The following TACC2 variants were observed in gnomAD, a reference collection of about 807,000 sequenced individuals.
TACC2 encodes the protein transforming acidic coiled-coil-containing protein 2.
A neutral mutation model predicts 227.3 loss-of-function variants in TACC2; 137 were observed. That is an observed-to-expected ratio of 0.60 (90% CI 0.52 to 0.69). TACC2 has a LOEUF of 0.69. TACC2 is among the 30% of genes least tolerant of loss of function. The probability of loss-of-function intolerance (pLI) is 0.00; values close to 1 mark genes in which losing one functional copy is unlikely to be tolerated. For synonymous variants in TACC2, 1,523 were observed against 1,487.5 expected (o/e 1.02, Z -0.55); for missense variants, 3,470 against 3,694.4 (o/e 0.94, Z 1.57).
chr10:122,089,323 A>C (rs2080460959), intron 5 of TACC2, among the ~76,000 whole-genome samples: 2 of 152,040 alleles, frequency 1.3e-5, no homozygotes, highest in African/African-American at 2.4e-5. Context: ...GCACCCATTC[A>C]TCTAGTTCAT....
rs568223392 is a variant in TACC2, at chr10:122,201,722, A to G, written c.5971+6546A>G. 2.6e-5 allele frequency among the ~76,000 whole-genome samples: 4 copies of G among 152,370 alleles called. No individual in the cohort carries two copies. In the South Asian group the frequency reaches 8.3e-4, roughly 32 times the overall value. On this transcript the variant is annotated intron_variant, in intron 8 of 22. Transcript: ENST00000369005. ...CTCACAGACCCCAGGCTGGTGGCTC[A>G]GCCCATTATCCTCCCGGGAAGACAG...
Position 122,085,098 on chromosome 10 carries a change from G to A in TACC2, c.2598G>A (p.Lys866=), listed in dbSNP as rs1286029248. 2 of 1,614,076 alleles carry A rather than the reference G, an allele frequency of 1.2e-6. No individual in the cohort carries two copies. The highest frequency in any genetic ancestry group is 1.3e-5 in the African/African-American group (1 of 74,940). Residue 866 remains lysine (K), a synonymous_variant, in exon 4 of 23, where the codon AAG becomes AAA. Transcript: ENST00000369005. ...CTTCTCCAAGCCATCCAGGTTTTAA[G>A]GACCAGGGAGCAGATTCTTCCCAAA... is the stretch of plus-strand genomic sequence containing the variant. ...KETSPSHPGF[K]DQGADSSQIH... is the part of the protein sequence containing the mutation.
chr10:122,118,266 C>T (rs2085095210), intron 5 of TACC2, among the ~76,000 whole-genome samples: 1 of 152,148 alleles, frequency 6.6e-6, no homozygotes, highest in Non-Finnish European at 1.5e-5. Flanking sequence ...CCGGCCGCCT[C>T]GGCCTCCCAA....
At chr10:122,163,952 G>T in intron 7 of TACC2, 2 of 1,587,766 alleles carry the variant, frequency 1.3e-6, no homozygotes, top group Admixed American at 3.5e-5. Flanking sequence ...CCTGCAGCCA[G>T]CCCCAGCCAG....
In TACC2 at chr10:122,091,541, C is replaced by T. The variant is rs2080818686; in HGVS notation, c.5573+2950C>T. Among the ~76,000 whole-genome samples the T allele has an allele frequency of 1.3e-5, 2 of 152,106 alleles. 1 individual carries two copies. Among genetic ancestry groups the T allele is most frequent in the South Asian group, 4.1e-4 (2 of 4,824 alleles). On this transcript the variant is annotated intron_variant, in intron 5 of 22. Transcript: ENST00000369005. ...GTTGGCCTTCCCTGTGCTTTAGGCT[C>T]TTGGGGAAAAGGCTTCCTAACATTG...
At chr10:122,187,387 C>T (rs1393812439) in intron 7 of TACC2, among the ~76,000 whole-genome samples, 1 of 152,230 alleles carries the variant, frequency 6.6e-6, no homozygotes, top group Non-Finnish European at 1.5e-5. Context: ...TTGTTCCTGG[C>T]CTCCAGGGTC....
chr10:122,165,233 G>A (rs996247389), intron 7 of TACC2, among the ~76,000 whole-genome samples: 3 of 152,158 alleles, frequency 2.0e-5, no homozygotes, highest in African/African-American at 7.2e-5. Flanking sequence ...AGTGTTGCTA[G>A]GTGCATGGAA....
intron 1 of TACC2, among the ~76,000 whole-genome samples, chr10:121,998,633 T>G (rs139962979): frequency 6.6e-6 from 1 of 152,234 alleles, no homozygotes; most frequent in African/African-American, 2.4e-5. Context: ...CTACTCTGAA[T>G]TTGTGACCTA....
chr10:122,059,208 A>G (rs3862116), intron 3 of TACC2, among the ~76,000 whole-genome samples: 86,035 of 151,266 alleles, frequency 0.57, 25,455 homozygotes, highest in Non-Finnish European at 0.65. Flanking sequence ...GAGCCACCAC[A>G]CCCGGGCTCC....
chr10:122,040,779 G>C (rs997110500), intron 2 of TACC2, among the ~76,000 whole-genome samples: 1 of 152,184 alleles, frequency 6.6e-6, no homozygotes, highest in Non-Finnish European at 1.5e-5. Context: ...TCTAGAAACT[G>C]TGATCAATGC....
At chr10:122,191,235 G>T (rs1266552227) in intron 7 of TACC2, among the ~76,000 whole-genome samples, 1 of 152,124 alleles carries the variant, frequency 6.6e-6, no homozygotes, top group Non-Finnish European at 1.5e-5. Context: ...TCCTGAGTCT[G>T]CCTCCACGTA....
chr10:122,182,818 G>T (rs2094015434), intron 7 of TACC2, among the ~76,000 whole-genome samples: 1 of 152,156 alleles, frequency 6.6e-6, no homozygotes, highest in South Asian at 2.1e-4. Context: ...TATACAAGAG[G>T]CGGAGACTCA....
intron 7 of TACC2, among the ~76,000 whole-genome samples, chr10:122,162,834 G>T (rs1186699974): frequency 6.6e-6 from 1 of 152,134 alleles, no homozygotes; most frequent in African/African-American, 2.4e-5. Flanking sequence ...TGCATGTCAC[G>T]GAGAACTGCC....
intron 7 of TACC2, among the ~76,000 whole-genome samples, chr10:122,149,613 C>G (rs1283590956): frequency 6.6e-6 from 1 of 151,902 alleles, no homozygotes; most frequent in South Asian, 2.1e-4. Flanking sequence ...CCTCCCCATT[C>G]CCTCCACCCG....
intron 5 of TACC2, among the ~76,000 whole-genome samples, chr10:122,091,504 G>T (rs2080814023): frequency 6.6e-6 from 1 of 152,126 alleles, no homozygotes; most frequent in Non-Finnish European, 1.5e-5. Flanking sequence ...GAAGGAAATG[G>T]GGTCATAAAG....
rs2079804605 is a variant in TACC2 at position 122,083,822 on chromosome 10, C to T, written c.1322C>T (p.Ser441Phe). The T allele has an allele frequency of 6.2e-7, 1 of 1,614,176 alleles. No homozygotes were observed. The highest frequency in any genetic ancestry group is 2.2e-5 in the East Asian group (1 of 44,882). The change falls in exon 4 of 23, where the codon TCC becomes TTC. Residue 441 changes from serine to phenylalanine, a missense_variant. By Grantham distance (155) the Ser-to-Phe change is radical (BLOSUM62 -2). Coordinates refer to ENST00000369005, the MANE Select transcript of TACC2 (RefSeq NM_206862.4). ...GCTGTAGAAGAACCTGGATCATCAT[C>T]CAGGGAATCAGTTTCCAAGGCTGGG... is the stretch of plus-strand genomic sequence containing the variant. ...PIAVEEPGSS[S>F]RESVSKAGMP...
intron 5 of TACC2, among the ~76,000 whole-genome samples, chr10:122,122,094 G>A (rs1168646919): frequency 3.9e-5 from 6 of 152,172 alleles, no homozygotes; most frequent in Admixed American, 1.3e-4. Context: ...GGTGGCTCAC[G>A]CCTGTAATCC....
chr10:122,102,373 T>C (rs1319131956), intron 5 of TACC2, among the ~76,000 whole-genome samples: 1 of 152,190 alleles, frequency 6.6e-6, no homozygotes, highest in African/African-American at 2.4e-5. Context: ...AGATGCTTCT[T>C]TGTTGCAGCA....
chr10:122,075,310 A>C (rs1430471458), intron 3 of TACC2, among the ~76,000 whole-genome samples: 2 of 151,916 alleles, frequency 1.3e-5, no homozygotes, highest in African/African-American at 4.8e-5. Flanking sequence ...ACCAAGTCCC[A>C]AGCTGCATCA....
Sources: gnomAD v4.1 joint callset for allele counts (sites outside exome capture counted in the v4.1 genomes callset) on GRCh38, gnomAD v4.1.1 for gene constraint, MANE v1.5 for transcripts, NCBI Gene and HGNC (gene_info 2026-07-23, HGNC 2026-07-21) for gene names.